The following ZNF846 variants were observed in gnomAD, a reference collection of about 807,000 sequenced individuals.
ZNF846 encodes the protein zinc finger protein 420 pseudogene.
In ZNF846, 15 loss-of-function variants were observed where a neutral mutation model predicts 16.0. The observed-to-expected ratio is 0.94, with a 90% CI of 0.63 to 1.45. The LOEUF (loss-of-function observed/expected upper bound fraction) is 1.45. Ranked by LOEUF, ZNF846 falls within the 40% of genes most tolerant of loss-of-function variation. The probability of loss-of-function intolerance (pLI) is 0.00; values close to 1 mark genes in which losing one functional copy is unlikely to be tolerated. For synonymous variants in ZNF846, 229 were observed against 212.0 expected, an observed-to-expected ratio of 1.08 and a Z score of -0.70; for missense variants, 714 against 622.3, an observed-to-expected ratio of 1.15 and a Z score of -1.57.
upstream of ZNF846, among the ~76,000 whole-genome samples, chr19:9,769,331 C>G (rs2045368645): frequency 6.6e-6 from 1 of 152,156 alleles, no homozygotes; most frequent in South Asian, 2.1e-4. Flanking sequence ...ATCCTCCCCC[C>G]TCGGCCTCCC....
chr19:9,779,767 T>C (rs1339960036), intron 1 of ZNF846, among the ~76,000 whole-genome samples: 4 of 151,992 alleles, frequency 2.6e-5, no homozygotes, highest in Non-Finnish European at 1.5e-5. Context: ...AGACGAGGTT[T>C]CACCATGTTG....
At chr19:9,785,607 G>A (rs1168085225) in intron 1 of ZNF846, among the ~76,000 whole-genome samples, 7 of 58,872 alleles carry the variant, frequency 1.2e-4, no homozygotes, top group East Asian at 1.1e-3. Flanking sequence ...TCGCCGAGTC[G>A]CCGCCCGCGT....
intron 1 of ZNF846, among the ~76,000 whole-genome samples, chr19:9,767,280 C>G (rs2045331686): frequency 1.3e-5 from 2 of 152,074 alleles, no homozygotes; most frequent in Admixed American, 1.3e-4. Context: ...AGATTACAGG[C>G]ATGCCCCACC....
chr19:9,765,637 C>T (rs543589372), intron 1 of ZNF846, among the ~76,000 whole-genome samples: 1 of 152,178 alleles, frequency 6.6e-6, no homozygotes, highest in African/African-American at 2.4e-5. Context: ...TGCACCACTG[C>T]ACTCCAGCCT....
exon 6 of ZNF846, chr19:9,758,310 C>T: frequency 6.2e-7 from 1 of 1,613,520 alleles, no homozygotes; most frequent in Non-Finnish European, 8.5e-7. Context: ...ACATTCTTTA[C>T]AGACATAGGG....
chr19:9,778,431 T>A (rs1216581419), intron 1 of ZNF846, among the ~76,000 whole-genome samples: 1 of 152,046 alleles, frequency 6.6e-6, no homozygotes, highest in Non-Finnish European at 1.5e-5. Context: ...AGGAGTAAAA[T>A]CATCCCCATT....
chr19:9,785,075 T>C (rs1474434997), intron 1 of ZNF846, among the ~76,000 whole-genome samples: 1 of 152,186 alleles, frequency 6.6e-6, no homozygotes, highest in African/African-American at 2.4e-5. Context: ...CCCGCACATA[T>C]ACTGACCTAA....
intron 1 of ZNF846, among the ~76,000 whole-genome samples, chr19:9,783,544 A>AAAAT (rs1555714920): frequency 1.8e-5 from 2 of 108,838 alleles, no homozygotes; most frequent in Admixed American, 1.1e-4. Context: ...AAAAAAAAAA[A>AAAAT]ATATATATAT....
At chr19:9,776,137 G>C (rs1461076918) in intron 1 of ZNF846, among the ~76,000 whole-genome samples, 1 of 152,218 alleles carries the variant, frequency 6.6e-6, no homozygotes, top group African/African-American at 2.4e-5. Flanking sequence ...CCATGGTCTA[G>C]CGGTAGCGAA....
intron 1 of ZNF846, among the ~76,000 whole-genome samples, chr19:9,766,955 C>G (rs1038254638): frequency 9.3e-5 from 14 of 150,034 alleles, no homozygotes; most frequent in African/African-American, 2.9e-4. Context: ...TTAAAGAAGA[C>G]TTGATATTGT....
chr19:9,754,589 C>CAAAAAAAAAAAAAAAAAAAAAAAAAAAAA (rs1203086590), downstream of ZNF846, among the ~76,000 whole-genome samples: 7 of 104,024 alleles, frequency 6.7e-5, no homozygotes, highest in African/African-American at 3.1e-4. Flanking sequence ...AAAAAAAAAG[C>CAAAAAAAAAAAAAAAAAAAAAAAAAAAAA]AAAGGGCAAC....
intron 1 of ZNF846, among the ~76,000 whole-genome samples, chr19:9,780,057 T>TG (rs1047385023): frequency 5.4e-5 from 8 of 149,118 alleles, no homozygotes; most frequent in Non-Finnish European, 1.5e-5. Flanking sequence ...TGTTTTTTTT[T>TG]TTGTTTTTTT....
Position 9,765,148 on chromosome 19 carries a change from G to A in ZNF846, c.-85-113C>T, listed in dbSNP as rs572684060. On this transcript the variant is annotated intron_variant, in intron 1 of 5. Transcript: ENST00000397902. Reference sequence around the variant, plus strand: ...AGCACTTTGGGAGGCCAAGGTAGGCGAATCACTTGAGGTCAGGAGTTTGAG... The same window carrying A: ...AGCACTTTGGGAGGCCAAGGTAGGCAAATCACTTGAGGTCAGGAGTTTGAG... 223 of 587,816 alleles carry A rather than the reference G, an allele frequency of 3.8e-4. 1 individual carries two copies. The highest frequency in any genetic ancestry group is 3.2e-3 in the African/African-American group (169 of 53,548). 36.4% of individuals were successfully genotyped at this position (587,816 alleles called of 1,614,324 possible). A position where few individuals can be genotyped will look rare whatever the true frequency, so the allele number is the denominator to read the frequency against.
downstream of ZNF846, chr19:9,755,751 G>C (rs1420542181): frequency 1.9e-5 from 2 of 103,274 alleles, no homozygotes; most frequent in African/African-American, 7.5e-5. Flanking sequence ...AGTGAGCCGA[G>C]ATCCCGCCAC....
At chr19:9,753,219 A>AATCTATTT (rs1555710854), downstream of ZNF846, among the ~76,000 whole-genome samples, 1 of 134,512 alleles carries the variant, frequency 7.4e-6, no homozygotes, top group African/African-American at 2.9e-5. Context: ...GAGGAGACAA[A>AATCTATTT]ATTTATTTAT....
chr19:9,779,210 G>GGTT, intron 1 of ZNF846, among the ~76,000 whole-genome samples: 2 of 152,244 alleles, frequency 1.3e-5, no homozygotes, highest in Middle Eastern at 6.8e-3. Context: ...CTTGAAAAGA[G>GGTT]GTTGGTTCCT....
chr19:9,754,430 G>C (rs927487398), downstream of ZNF846, among the ~76,000 whole-genome samples: 2 of 151,160 alleles, frequency 1.3e-5, no homozygotes, highest in African/African-American at 4.9e-5. Flanking sequence ...TGGGCATGGT[G>C]GTGGGTGCCT....
At chr19:9,757,497 G>T in exon 6 of ZNF846, 1 of 1,597,120 alleles carries the variant, frequency 6.3e-7, no homozygotes, top group Non-Finnish European at 8.5e-7. Flanking sequence ...ACATGCCTTA[G>T]TTCTTAGATG....
chr19:9,774,138 A>C (rs937093360), intron 1 of ZNF846, among the ~76,000 whole-genome samples: 1 of 152,212 alleles, frequency 6.6e-6, no homozygotes, highest in African/African-American at 2.4e-5. Context: ...ACTTAACATC[A>C]TATAGATAGC....
Sources: gnomAD v4.1 joint callset for allele counts (sites outside exome capture counted in the v4.1 genomes callset) on GRCh38, gnomAD v4.1.1 for gene constraint, MANE v1.5 for transcripts, NCBI Gene and HGNC (gene_info 2026-07-23, HGNC 2026-07-21) for gene names.